Variants in LEPR observed in about 807,000 individuals in gnomAD.
LEPR encodes the protein leptin receptor, also known as OB receptor.
LEPR carries 56 observed loss-of-function variants against 114.7 expected under a neutral mutation model. The ratio of observed to expected loss-of-function variants is 0.49; its 90% CI spans 0.39 to 0.61. The LOEUF is 0.61. Ranked by LOEUF, LEPR falls within the 20% of genes least tolerant of loss-of-function variation. LEPR has a pLI of 0.00. For missense variants in LEPR, 1,202 were observed against 1,352.9 expected (o/e 0.89, Z 1.75); for synonymous variants, 443 against 461.4 (o/e 0.96, Z 0.51).
At chr1:65,609,841 C>A in intron 12 of LEPR, 106 bp from the exon 13 acceptor site, 1 of 1,496,504 alleles carries the variant, frequency 6.7e-7, no homozygotes, top group Non-Finnish European at 9.3e-7. Flanking sequence ...AATCAGTTCT[C>A]TTAATTTTGG....
At chr1:65,458,043 G>T (rs1253963619) in intron 2 of LEPR, among the ~76,000 whole-genome samples, 1 of 152,196 alleles carries the variant, frequency 6.6e-6, no homozygotes, top group South Asian at 2.1e-4. Context: ...AATTTGAAAT[G>T]TGCCAACAAT....
At chr1:65,468,056 A>G (rs1647037183) in intron 2 of LEPR, among the ~76,000 whole-genome samples, 1 of 152,104 alleles carries the variant, frequency 6.6e-6, no homozygotes. Flanking sequence ...CCACTGTCCA[A>G]CCAGTCCCAA....
At chr1:65,564,838 T>C (rs948100269) in intron 2 of LEPR, among the ~76,000 whole-genome samples, 3 of 152,176 alleles carry the variant, frequency 2.0e-5, no homozygotes, top group African/African-American at 7.2e-5. Flanking sequence ...AAGCCACATA[T>C]ATTAAAATTA....
chr1:65,471,676 G>A (rs1647085141), intron 2 of LEPR, among the ~76,000 whole-genome samples: 1 of 152,136 alleles, frequency 6.6e-6, no homozygotes, highest in South Asian at 2.1e-4. Flanking sequence ...TGCAAGCAAA[G>A]TTCTATAGTG....
chr1:65,501,621 G>A (rs1385111533), intron 2 of LEPR, among the ~76,000 whole-genome samples: 2 of 151,790 alleles, frequency 1.3e-5, no homozygotes. Flanking sequence ...CACATCTTTT[G>A]GGGGGATACA....
chr1:65,640,917 C>T lies in LEPR; in HGVS notation c.*3902C>T, dbSNP rs891727804. Reference sequence around the variant, plus strand: ...CTGGGATTACGGGCACACCACCATGCCCAGCTTTTATTTATTTATTTATTT... The same window carrying T: ...CTGGGATTACGGGCACACCACCATGTCCAGCTTTTATTTATTTATTTATTT... On this transcript the variant is annotated 3_prime_UTR_variant, in exon 20 of 20. Coordinates refer to ENST00000349533, the MANE Select transcript of LEPR (RefSeq NM_002303.6). The T allele has an allele frequency of 6.8e-6, 1 of 148,022 alleles. No individual in the cohort carries two copies. Among genetic ancestry groups the T allele is most frequent in the East Asian group, 2.3e-4 (1 of 4,344 alleles). The allele number at this position is 148,022 out of a possible 1,614,324, so 9.2% of individuals were successfully genotyped here. A position where few individuals can be genotyped will look rare whatever the true frequency, so the allele number is the denominator to read the frequency against.
At chr1:65,514,019 T>C (rs533848077) in intron 2 of LEPR, among the ~76,000 whole-genome samples, 1 of 152,238 alleles carries the variant, frequency 6.6e-6, no homozygotes, top group East Asian at 1.9e-4. Context: ...TGAAAAAATG[T>C]AAAAAAAATT....
chr1:65,500,233 T>C (rs1648376525), intron 2 of LEPR, among the ~76,000 whole-genome samples: 1 of 152,004 alleles, frequency 6.6e-6, no homozygotes, highest in African/African-American at 2.4e-5. Flanking sequence ...AATAACCCAG[T>C]CTCAGGTAGT....
intron 2 of LEPR, among the ~76,000 whole-genome samples, chr1:65,471,028 T>G (rs540338252): frequency 3.3e-5 from 5 of 152,346 alleles, no homozygotes; most frequent in Admixed American, 2.0e-4. Context: ...GAAGTGTTCT[T>G]GTATGTGGCA....
intron 2 of LEPR, among the ~76,000 whole-genome samples, chr1:65,450,442 A>C: frequency 8.0e-6 from 1 of 125,630 alleles, no homozygotes; most frequent in Non-Finnish European, 1.7e-5. Context: ...CCACCCCACA[A>C]CAGTCCCCAG....
rs182242751 is a variant in LEPR, at chr1:65,490,109, C to T, written c.-21+64731C>T. On this transcript the variant is annotated intron_variant, in intron 2 of 19. Coordinates refer to ENST00000349533, the MANE Select transcript of LEPR (RefSeq NM_002303.6). ...TATTTCTAAAAGATAATTAATACTA[C>T]CAGATTATAGTGATTACTGTGAGGG... is the stretch of plus-strand genomic sequence containing the variant. Among the ~76,000 whole-genome samples the T allele has an allele frequency of 3.6e-4, 55 of 152,124 alleles. No homozygotes were observed. In the East Asian group the frequency reaches 9.3e-3, roughly 26 times the overall value.
intron 2 of LEPR, among the ~76,000 whole-genome samples, chr1:65,459,591 A>G (rs370387970): frequency 6.6e-6 from 1 of 152,300 alleles, no homozygotes; most frequent in African/African-American, 2.4e-5. Flanking sequence ...AAAGCTTACC[A>G]TTGTCCAACT....
At chr1:65,619,364 T>C (rs1455789296) in intron 16 of LEPR, among the ~76,000 whole-genome samples, 1 of 152,164 alleles carries the variant, frequency 6.6e-6, no homozygotes, top group African/African-American at 2.4e-5. Flanking sequence ...GTGAAAATCA[T>C]GATGGATCCA....
At chr1:65,587,272 T>C (rs921456825) in intron 5 of LEPR, among the ~76,000 whole-genome samples, 7 of 152,088 alleles carry the variant, frequency 4.6e-5, no homozygotes, top group Non-Finnish European at 8.8e-5. Flanking sequence ...CCACAATTTA[T>C]TCAATTTGTT....
At chr1:65,459,522 T>C (rs975304407) in intron 2 of LEPR, among the ~76,000 whole-genome samples, 2 of 152,090 alleles carry the variant, frequency 1.3e-5, no homozygotes, top group Non-Finnish European at 1.5e-5. Context: ...AAAAAAGCAC[T>C]CAAATCAGGA....
Position 65,641,351 on chromosome 1 carries a change from T to C in LEPR, c.*4336T>C, listed in dbSNP as rs1644865642. 6.6e-6 allele frequency: 1 copy of C among 152,220 alleles called. No homozygotes were observed. The highest frequency in any genetic ancestry group is 1.5e-5 in the Non-Finnish European group (1 of 68,034). The allele number at this position is 152,220 out of a possible 1,614,324, so 9.4% of individuals were successfully genotyped here. On this transcript the variant is annotated 3_prime_UTR_variant, in exon 20 of 20. Coordinates refer to ENST00000349533, the MANE Select transcript of LEPR (RefSeq NM_002303.6). Reference sequence around the variant, plus strand: ...AGTGTTTGGCATGTGGTTAATACTTTCTCTTTAGTCACAACTGGTATTTTA... The same window carrying C: ...AGTGTTTGGCATGTGGTTAATACTTCCTCTTTAGTCACAACTGGTATTTTA...
At chr1:65,581,449 CTT>C (rs35414686) in intron 5 of LEPR, among the ~76,000 whole-genome samples, 44,129 of 145,878 alleles carry the variant, frequency 0.3, 7,282 homozygotes, top group East Asian at 0.83. Context: ...GGTTGAAAGG[CTT>C]TTTTTTTTTT....
chr1:65,637,138 A>G lies in LEPR; in HGVS notation c.*123A>G. On this transcript the variant is annotated 3_prime_UTR_variant, in exon 20 of 20. Coordinates refer to ENST00000349533, the MANE Select transcript of LEPR (RefSeq NM_002303.6). ...AATTTGAAAATAATTGTTCCAAATG[A>G]ATGTTGTCTGTTTGTTCTCTCTTAG... The G allele has an allele frequency of 8.6e-7, 1 of 1,156,288 alleles. No individual in the cohort carries two copies. The highest frequency in any genetic ancestry group is 2.4e-5 in the Admixed American group (1 of 42,368). 71.6% of individuals were successfully genotyped at this position (1,156,288 alleles called of 1,614,324 possible).
rs1290754789 is a variant in LEPR at position 65,615,997 on chromosome 1, ATTTACTACAGCCC to A, written c.1996-10_1998del. ...AGCCCTTAAACTAATCAATTTCTAT[ATTTACTACAGCCC>A]CTGATGAAAAATGACTCATTGTGCA... On this transcript the variant is annotated splice_acceptor_variant and splice_polypyrimidine_tract_variant and coding_sequence_variant and intron_variant, in exon 15 of 20. Transcript: ENST00000349533. LOFTEE classifies it high-confidence loss of function. The A allele has an allele frequency of 6.2e-7, 1 of 1,614,036 alleles. No individual in the cohort carries two copies. Among genetic ancestry groups the A allele is most frequent in the South Asian group, 1.1e-5 (1 of 91,088 alleles).
Sources: allele counts gnomAD v4.1 joint callset (sites outside exome capture counted in the v4.1 genomes callset), GRCh38; gene constraint gnomAD v4.1.1; transcripts MANE v1.5; gene names NCBI Gene and HGNC (gene_info 2026-07-23, HGNC 2026-07-21).